The following RNFT2 variants were observed in gnomAD, a reference collection of about 807,000 sequenced individuals.
RNFT2 encodes ring finger protein, transmembrane 2.
In RNFT2, 36 loss-of-function variants were observed where a neutral mutation model predicts 53.0. The observed-to-expected ratio is 0.68, with a 90% CI of 0.52 to 0.90. RNFT2 has a LOEUF of 0.90. RNFT2 is among the 40% of genes least tolerant of loss of function. RNFT2 has a pLI of 0.00. For synonymous variants in RNFT2, 260 were observed against 253.2 expected (o/e 1.03, Z -0.26); for missense variants, 514 against 585.6 (o/e 0.88, Z 1.26).
At position 116,851,550 on chromosome 12, in the gene RNFT2, C is replaced by T. The variant is rs539564563; in HGVS notation, c.*2102C>T. 172 of 562,084 alleles carry T rather than the reference C, an allele frequency of 3.1e-4. 1 individual carries two copies. The South Asian group carries it at 3.2e-3, about 10-fold the overall frequency. 34.8% of individuals were successfully genotyped at this position (562,084 alleles called of 1,614,324 possible). On this transcript the variant is annotated 3_prime_UTR_variant, in exon 11 of 11. Transcript: ENST00000257575. ...GGTCAAGAGTTCAAGACTAGCCTGG[C>T]CAACATGGCAAAACCCCCTCTTTAC...
chr12:116,794,092 C>T lies in RNFT2; in HGVS notation c.882+14744C>T, dbSNP rs186206335. 1.1e-4 allele frequency among the ~76,000 whole-genome samples: 16 copies of T among 152,070 alleles called. No homozygotes were observed. In the East Asian group the frequency reaches 3.1e-3, roughly 29 times the overall value. On this transcript the variant is annotated intron_variant, in intron 7 of 10. Transcript: ENST00000257575. ...ACCAGCCTGGCAACAAAGTGAGACC[C>T]TGTCTCTATAAAAAACTAAAAACGT...
chr12:116,808,191 C>G (rs1019328324), intron 7 of RNFT2, among the ~76,000 whole-genome samples: 2 of 152,168 alleles, frequency 1.3e-5, no homozygotes, highest in African/African-American at 4.8e-5. Context: ...TCTCAAACTC[C>G]TGACCTCAGG....
intron 10 of RNFT2, among the ~76,000 whole-genome samples, chr12:116,841,853 AT>A: frequency 4.1e-5 from 1 of 24,234 alleles, no homozygotes; most frequent in African/African-American, 1.5e-4. Flanking sequence ...ATAAATATAT[AT>A]AAAAATATAT....
rs541892277 is a variant in RNFT2, at chr12:116,836,178, A to AAT, written c.1099-2_1099-1insTA. On this transcript the variant is annotated splice_polypyrimidine_tract_variant and splice_region_variant and intron_variant, in intron 9 of 10. Transcript: ENST00000257575. Reference sequence around the variant, plus strand: ...CTGTATTTGCTTCTCCCCTCCCTCAAAGAACTATGGAGTCCGAGCCACCGG... The same window carrying AAT: ...CTGTATTTGCTTCTCCCCTCCCTCAAATAGAACTATGGAGTCCGAGCCACCGG... 4.8e-4 allele frequency: 769 copies of AAT among 1,594,920 alleles called. 4 individuals carry two copies. The African/African-American group carries it at 8.7e-3, about 18-fold the overall frequency.
chr12:116,824,514 A>G (rs543084054), intron 7 of RNFT2, among the ~76,000 whole-genome samples: 29 of 152,322 alleles, frequency 1.9e-4, no homozygotes, highest in Middle Eastern at 6.8e-3. Context: ...CCACTGCTTC[A>G]CCAGCTCTAG....
intron 7 of RNFT2, among the ~76,000 whole-genome samples, chr12:116,832,148 A>ATATAT (rs56674314): frequency 0.014 from 759 of 55,154 alleles, 11 homozygotes; most frequent in Middle Eastern, 0.034. Context: ...AAAAAAAAAA[A>ATATAT]ATATATATAT....
chr12:116,832,146 A>T (rs201616544), intron 7 of RNFT2, among the ~76,000 whole-genome samples: 8,245 of 70,128 alleles, frequency 0.12, 410 homozygotes, highest in African/African-American at 0.12. Flanking sequence ...AAAAAAAAAA[A>T]AAATATATAT....
chr12:116,841,766 A>AAT (rs1236658819), intron 10 of RNFT2, among the ~76,000 whole-genome samples: 1 of 110,564 alleles, frequency 9.0e-6, no homozygotes, highest in African/African-American at 3.6e-5. Context: ...TATAAATATA[A>AAT]ATATATATAT....
At chr12:116,800,919 C>G (rs1874763371) in intron 7 of RNFT2, 1 of 152,226 alleles carries the variant, frequency 6.6e-6, no homozygotes, top group African/African-American at 2.4e-5. Context: ...TGAAGGGTCA[C>G]TGCTGGAAGG....
At chr12:116,829,745 AT>A (rs1453486102) in intron 7 of RNFT2, among the ~76,000 whole-genome samples, 3 of 151,972 alleles carry the variant, frequency 2.0e-5, no homozygotes, top group Non-Finnish European at 2.9e-5. Context: ...ATACCCGGCT[AT>A]TTTTTTGTAT....
At chr12:116,754,164 T>TA (rs1166336191) in intron 5 of RNFT2, 104 bp downstream of exon 5, 11 of 896,860 alleles carry the variant, frequency 1.2e-5, no homozygotes, top group Non-Finnish European at 1.8e-5. Context: ...GTATCATTCT[T>TA]ATGCCTTTGC....
At chr12:116,813,673 G>A (rs1875497868) in intron 7 of RNFT2, among the ~76,000 whole-genome samples, 1 of 152,246 alleles carries the variant, frequency 6.6e-6, no homozygotes, top group Non-Finnish European at 1.5e-5. Context: ...TCCCAGCACA[G>A]TGCATGGTAC....
chr12:116,800,812 T>TTAAAAAATAAAA (rs1874736428), intron 7 of RNFT2, among the ~76,000 whole-genome samples: 2 of 114,790 alleles, frequency 1.7e-5, no homozygotes, highest in Admixed American at 9.7e-5. Context: ...AGACTCCATC[T>TTAAAAAATAAAA]TAAAATAAAA....
At chr12:116,830,610 A>G (rs1242778282) in intron 7 of RNFT2, among the ~76,000 whole-genome samples, 4 of 152,234 alleles carry the variant, frequency 2.6e-5, no homozygotes, top group South Asian at 4.1e-4. Flanking sequence ...TTGCTAGTAT[A>G]GGATTGAATC....
At chr12:116,801,965 G>T (rs1336572834) in intron 7 of RNFT2, among the ~76,000 whole-genome samples, 4 of 152,116 alleles carry the variant, frequency 2.6e-5, no homozygotes, top group African/African-American at 9.7e-5. Context: ...GGGATTACAG[G>T]CACCTGCCAC....
intron 4 of RNFT2, among the ~76,000 whole-genome samples, chr12:116,751,644 A>T (rs1356566178): frequency 1.3e-5 from 2 of 151,186 alleles, no homozygotes; most frequent in East Asian, 4.0e-4. Flanking sequence ...CAGGTGTTCC[A>T]TCCGCCTCAG....
intron 7 of RNFT2, among the ~76,000 whole-genome samples, chr12:116,805,506 T>G (rs530587344): frequency 6.6e-6 from 1 of 152,176 alleles, no homozygotes; most frequent in African/African-American, 2.4e-5. Context: ...ACAGCGTCTC[T>G]CTCTGTCGCC....
chr12:116,743,691 C>T (rs1871756530), intron 3 of RNFT2, among the ~76,000 whole-genome samples: 1 of 152,192 alleles, frequency 6.6e-6, no homozygotes, highest in South Asian at 2.1e-4. Context: ...GCAGCCAAGC[C>T]TTCCCTTCCT....
intron 7 of RNFT2, among the ~76,000 whole-genome samples, chr12:116,780,935 T>C (rs1017801169): frequency 2.0e-4 from 30 of 152,190 alleles, no homozygotes; most frequent in African/African-American, 6.8e-4. Flanking sequence ...TGTGTGACTT[T>C]GGGCAGGTGA....
Sources: gnomAD v4.1 joint callset for allele counts (sites outside exome capture counted in the v4.1 genomes callset) on GRCh38, gnomAD v4.1.1 for gene constraint, MANE v1.5 for transcripts, NCBI Gene and HGNC (gene_info 2026-07-23, HGNC 2026-07-21) for gene names.